CCSER2: variants seen among roughly 807,000 people sequenced by gnomAD.
The protein encoded by CCSER2 is coiled-coil serine rich protein 2, also known as serine-rich coiled-coil domain-containing protein 2.
In CCSER2, 46 loss-of-function variants were observed where a neutral mutation model predicts 92.3. The observed-to-expected ratio is 0.50, with a 90% CI of 0.39 to 0.64. The LOEUF is 0.64. CCSER2 is among the 30% of genes least tolerant of loss of function. CCSER2 has a pLI of 0.00. For missense variants in CCSER2, 1,244 were observed against 1,238.9 expected, an observed-to-expected ratio of 1.00 and a Z score of -0.06; for synonymous variants, 433 against 431.4, an observed-to-expected ratio of 1.00 and a Z score of -0.04.
At position 84,515,629 on chromosome 10, in the gene CCSER2, A is replaced by T. The variant is rs990360827; in HGVS notation, c.*1362A>T. ...GCTAATTTTTTTGTATTTTTAGTAG[A>T]GATGAGATTTCACCTTGTTGGTCAG... On this transcript the variant is annotated 3_prime_UTR_variant, in exon 10 of 10. Transcript: ENST00000372088. 6.6e-6 allele frequency: 1 copy of T among 152,112 alleles called. No homozygotes were observed. Among genetic ancestry groups the T allele is most frequent in the Non-Finnish European group, 1.5e-5 (1 of 68,034 alleles). 9.4% of individuals were successfully genotyped at this position (152,112 alleles called of 1,614,324 possible).
chr10:84,367,567 T>G (rs554931488), intron 1 of CCSER2, among the ~76,000 whole-genome samples: 145 of 152,036 alleles, frequency 9.5e-4, no homozygotes, highest in African/African-American at 3.3e-3. Context: ...TTTGTAGAGA[T>G]GAGGTTTTGC....
chr10:84,371,634 C>T lies in CCSER2; in HGVS notation c.582C>T (p.Ala194=). ...AAAGGCCTAGAGCGAACTCCTGTGC[C>T]ACCAGAAGCAGTTCTGGAGAAAGCT... ...SMQRPRANSC[A]TRSSSGESLA... Residue 194 remains alanine (A), a synonymous_variant, in exon 2 of 10, where the codon GCC becomes GCT. Coordinates refer to ENST00000372088, the MANE Select transcript of CCSER2 (RefSeq NM_001284240.2). 3 of 1,613,452 alleles carry T rather than the reference C, an allele frequency of 1.9e-6. No homozygotes were observed. Among genetic ancestry groups the T allele is most frequent in the Non-Finnish European group, 2.5e-6 (3 of 1,179,550 alleles).
In CCSER2 at chr10:84,514,070, C is replaced by T. The variant is rs566326574; in HGVS notation, c.2947C>T (p.Pro983Ser). The T allele has an allele frequency of 2.0e-6, 3 of 1,536,224 alleles. No homozygotes were observed. The highest frequency in any genetic ancestry group is 2.4e-5 in the East Asian group (1 of 40,908). The part of the protein sequence containing the change: ...NQNLKASKLR[P>S]PSGSFKQKQT... ...GAATCTGAAAGCATCTAAGCTCCGC[C>T]CCCCCTCAGGCTCTTTCAAACAAAA... The change falls in exon 10 of 10, where the codon CCC (proline) becomes TCC (serine). Residue 983 changes from proline (P) to serine (S), a missense_variant. Transcript: ENST00000372088.
chr10:84,445,519 A>G (rs1485562425), intron 6 of CCSER2, among the ~76,000 whole-genome samples: 2 of 152,204 alleles, frequency 1.3e-5, no homozygotes, highest in African/African-American at 4.8e-5. Flanking sequence ...TACATACAGA[A>G]AAGGGTATAA....
chr10:84,379,418 A>G (rs1038279186), intron 3 of CCSER2, among the ~76,000 whole-genome samples: 3 of 151,376 alleles, frequency 2.0e-5, no homozygotes, highest in African/African-American at 7.3e-5. Context: ...TTATATCTTT[A>G]TTTCCTTTCT....
intron 1 of CCSER2, among the ~76,000 whole-genome samples, chr10:84,348,796 A>T (rs1589413008): frequency 6.6e-6 from 1 of 152,298 alleles, no homozygotes; most frequent in South Asian, 2.1e-4. Context: ...CAAGATTAGT[A>T]CAAAAAATAT....
chr10:84,435,638 CA>C (rs5786657), intron 5 of CCSER2, among the ~76,000 whole-genome samples: 50,996 of 105,740 alleles, frequency 0.48, 8,885 homozygotes, highest in Middle Eastern at 0.52. Context: ...CCATTCAGTG[CA>C]AAAAAAAAAA....
At chr10:84,505,138 T>C (rs1208335325) in intron 9 of CCSER2, among the ~76,000 whole-genome samples, 8 of 152,218 alleles carry the variant, frequency 5.3e-5, no homozygotes, top group South Asian at 2.1e-4. Context: ...TTTATATATA[T>C]ACACACATTT....
intron 3 of CCSER2, among the ~76,000 whole-genome samples, chr10:84,410,881 G>T (rs1185790159): frequency 6.6e-6 from 1 of 152,108 alleles, no homozygotes; most frequent in Non-Finnish European, 1.5e-5. Flanking sequence ...TTCTTCTAGG[G>T]TTTTTATAGT....
rs59244448 is a variant in CCSER2 at position 84,420,932 on chromosome 10, C to CAAAAAAAAAAA, written c.1705+3078_1705+3088dup. On this transcript the variant is annotated intron_variant, in intron 4 of 9. Transcript: ENST00000372088. ...TGGGCGACAGAGCGAGACTCCATCTCAAAAAAAAAAAAAAAAAGGTTTAGA... is the reference window on the plus strand; with the variant it reads ...TGGGCGACAGAGCGAGACTCCATCTCAAAAAAAAAAAAAAAAAAAAAAAAAAAAGGTTTAGA... 3.5e-5 allele frequency among the ~76,000 whole-genome samples: 3 copies of CAAAAAAAAAAA among 84,824 alleles called. 1 individual carries two copies. The highest frequency in any genetic ancestry group is 7.1e-5 in the Non-Finnish European group (3 of 42,472). The allele number at this position is 84,824 out of a possible 152,430, so 55.6% of individuals were successfully genotyped here. A position where few individuals can be genotyped will look rare whatever the true frequency, so the allele number is the denominator to read the frequency against.
Position 84,373,829 on chromosome 10 carries a change from T to C in CCSER2, c.1614+14T>C. On this transcript the variant is annotated intron_variant, in intron 3 of 9. Coordinates refer to ENST00000372088, the MANE Select transcript of CCSER2 (RefSeq NM_001284240.2). ...ATGAACAGCATAGTATGTATGGATT[T>C]ATATACTCTTGGAATATTTTGTTTA... 1.2e-6 allele frequency: 2 copies of C among 1,613,408 alleles called. No homozygotes were observed. The highest frequency in any genetic ancestry group is 1.7e-6 in the Non-Finnish European group (2 of 1,179,620).
At chr10:84,481,538 T>G (rs1847455609) in intron 9 of CCSER2, among the ~76,000 whole-genome samples, 1 of 152,140 alleles carries the variant, frequency 6.6e-6, no homozygotes, top group African/African-American at 2.4e-5. Context: ...GGTTTGGTTA[T>G]TATTTGTGAG....
intron 5 of CCSER2, among the ~76,000 whole-genome samples, chr10:84,426,242 T>A (rs2133436376): frequency 6.6e-6 from 1 of 152,328 alleles, no homozygotes; most frequent in East Asian, 1.9e-4. Flanking sequence ...TAGTGCCAAG[T>A]GATTGGTCTT....
intron 6 of CCSER2, among the ~76,000 whole-genome samples, chr10:84,451,260 T>G (rs951182547): frequency 1.5e-4 from 23 of 150,182 alleles, no homozygotes; most frequent in African/African-American, 3.2e-4. Context: ...TTGGGTTTTT[T>G]TTTTTTGTTT....
chr10:84,380,066 T>A (rs570724334), intron 3 of CCSER2, among the ~76,000 whole-genome samples: 7 of 152,308 alleles, frequency 4.6e-5, no homozygotes, highest in South Asian at 2.1e-4. Flanking sequence ...TTAATGATAT[T>A]ATCAAACTTC....
chr10:84,425,984 T>C, intron 5 of CCSER2, 91 bp downstream of exon 5: 1 of 934,964 alleles, frequency 1.1e-6, no homozygotes, highest in Non-Finnish European at 1.5e-6. Flanking sequence ...AAACCTGTTT[T>C]TGTCTGGTTT....
At chr10:84,404,843 C>T (rs1842298377) in intron 3 of CCSER2, among the ~76,000 whole-genome samples, 1 of 152,022 alleles carries the variant, frequency 6.6e-6, no homozygotes, top group Admixed American at 6.6e-5. Flanking sequence ...CTAACAAAGT[C>T]TATACTGAAG....
intron 3 of CCSER2, chr10:84,392,038 T>G (rs547589794): frequency 2.4e-6 from 3 of 1,233,550 alleles, no homozygotes; most frequent in African/African-American, 3.0e-5. Context: ...TGCAGCTGTT[T>G]ATGGTGTTTA....
At chr10:84,348,320 C>T (rs565523887) in intron 1 of CCSER2, among the ~76,000 whole-genome samples, 1,793 of 152,340 alleles carry the variant, frequency 0.012, 35 homozygotes, top group African/African-American at 0.04. Context: ...GGCGTGGCGG[C>T]ACGCGCCTGC....
Sources: allele counts gnomAD v4.1 joint callset (sites outside exome capture counted in the v4.1 genomes callset), GRCh38; gene constraint gnomAD v4.1.1; transcripts MANE v1.5; gene names NCBI Gene and HGNC (gene_info 2026-07-23, HGNC 2026-07-21).